Variants in CBFA2T3 observed in about 807,000 individuals in gnomAD.
CBFA2T3 encodes the protein CBFA2/RUNX1 partner transcriptional co-repressor 3, also known as transcriptional corepressor CBFA2T3.
A neutral mutation model predicts 58.6 loss-of-function variants in CBFA2T3; 31 were observed. The ratio of observed to expected loss-of-function variants is 0.53; its 90% confidence interval spans 0.40 to 0.71. The LOEUF is 0.71. Among genes scored for constraint, CBFA2T3 ranks in the 30% least tolerant of loss-of-function variants. CBFA2T3 has a pLI of 0.00. For synonymous variants in CBFA2T3, 531 were observed against 421.9 expected (o/e 1.26, Z -3.17); for missense variants, 1,076 against 963.1 (o/e 1.12, Z -1.55).
intron 1 of CBFA2T3, among the ~76,000 whole-genome samples, chr16:88,944,396 T>A (rs1971850230): frequency 6.6e-6 from 1 of 150,636 alleles, no homozygotes; most frequent in South Asian, 2.1e-4. Flanking sequence ...TGGCAGCGTT[T>A]CCAAGTAAAG....
intron 1 of CBFA2T3, among the ~76,000 whole-genome samples, chr16:88,945,717 A>G (rs545509860): frequency 7.2e-5 from 11 of 152,184 alleles, no homozygotes; most frequent in Admixed American, 2.6e-4. Flanking sequence ...TTCATTGCCG[A>G]CGGGAATGCA....
Position 88,875,179 on chromosome 16 carries a change from A to G in CBFA2T3, c.*1797T>C. On this transcript the variant is annotated 3_prime_UTR_variant, in exon 12 of 12. Transcript: ENST00000268679. Reference sequence around the variant, plus strand: ...CAGATGCCAGGCCACGGGCCACACCACGCACACAGATGCCAAGCCACGGGC... The same window carrying G: ...CAGATGCCAGGCCACGGGCCACACCGCGCACACAGATGCCAAGCCACGGGC... 1 of 235,826 alleles carries G rather than the reference A, an allele frequency of 4.2e-6. No individual in the cohort carries two copies. The highest frequency in any genetic ancestry group is 6.0e-5 in the East Asian group (1 of 16,544). The allele number at this position is 235,826 out of a possible 1,614,324, so 14.6% of individuals were successfully genotyped here. A position where few individuals can be genotyped will look rare whatever the true frequency, so the allele number is the denominator to read the frequency against.
rs77273098 is a variant in CBFA2T3, at chr16:88,947,543, G to A, written c.151+29114C>T. On this transcript the variant is annotated intron_variant, in intron 1 of 11. Coordinates refer to ENST00000268679, the MANE Select transcript of CBFA2T3 (RefSeq NM_005187.6). ...ATGTTAAAATTTATTTCCTGGGCTG[G>A]ATTATCGTTATAATTATTGGTAGTA... 4.6e-5 allele frequency among the ~76,000 whole-genome samples: 7 copies of A among 152,274 alleles called. No individual in the cohort carries two copies. The East Asian group carries it at 1.3e-3, about 29-fold the overall frequency.
chr16:88,968,704 T>C (rs1407883239), intron 1 of CBFA2T3, among the ~76,000 whole-genome samples: 2 of 152,176 alleles, frequency 1.3e-5, no homozygotes, highest in East Asian at 3.9e-4. Flanking sequence ...CACCCACCAC[T>C]GCAGGCCCCC....
At chr16:88,932,255 G>A (rs1383256765) in intron 1 of CBFA2T3, among the ~76,000 whole-genome samples, 4 of 118,608 alleles carry the variant, frequency 3.4e-5, no homozygotes, top group Non-Finnish European at 5.0e-5. Flanking sequence ...CCCCTCACAC[G>A]GCCCCCACTT....
At chr16:88,884,977 G>A (rs1461866775) in intron 7 of CBFA2T3, 69 bp downstream of exon 7, 37 of 1,199,920 alleles carry the variant, frequency 3.1e-5, no homozygotes, top group Middle Eastern at 2.7e-4. Flanking sequence ...CACATGCTCA[G>A]GTGTACATGT....
chr16:88,924,346 C>T (rs372701057), intron 1 of CBFA2T3, among the ~76,000 whole-genome samples: 1 of 152,198 alleles, frequency 6.6e-6, no homozygotes, highest in South Asian at 2.1e-4. Context: ...TCCGCCCTGG[C>T]CCTGCCTCCC....
At chr16:88,933,336 G>C (rs1194924920) in intron 1 of CBFA2T3, among the ~76,000 whole-genome samples, 1 of 107,232 alleles carries the variant, frequency 9.3e-6, no homozygotes, top group Non-Finnish European at 1.9e-5. Flanking sequence ...AGTGCCACAC[G>C]TCTGCACGCC....
chr16:88,946,232 A>T (rs1383790784), intron 1 of CBFA2T3, among the ~76,000 whole-genome samples: 1 of 151,958 alleles, frequency 6.6e-6, no homozygotes, highest in Non-Finnish European at 1.5e-5. Context: ...GCTTGAACCC[A>T]GGAGGCAGAG....
intron 1 of CBFA2T3, among the ~76,000 whole-genome samples, chr16:88,904,536 G>A (rs562812): frequency 0.31 from 47,691 of 152,186 alleles, 7,705 homozygotes; most frequent in Middle Eastern, 0.37. Context: ...AGGCCTCAAG[G>A]TACTTGCAAA....
rs1291556798 is a variant in CBFA2T3, at chr16:88,894,509, GCA to G, written c.380-2026_380-2025del. 1.0e-3 allele frequency among the ~76,000 whole-genome samples: 122 copies of G among 121,212 alleles called. 4 individuals carry two copies. The highest frequency in any genetic ancestry group is 1.2e-3 in the Non-Finnish European group (71 of 60,652). The allele number at this position is 121,212 out of a possible 152,430, so 79.5% of individuals were successfully genotyped here. ...AATGTACACACATGCACACACACAT[GCA>G]CACACACATGCATACATATACACAT... On this transcript the variant is annotated intron_variant, in intron 3 of 11. Coordinates refer to ENST00000268679, the MANE Select transcript of CBFA2T3 (RefSeq NM_005187.6).
intron 1 of CBFA2T3, among the ~76,000 whole-genome samples, chr16:88,921,888 TG>T (rs1422577957): frequency 2.0e-5 from 3 of 152,190 alleles, no homozygotes; most frequent in African/African-American, 7.2e-5. Context: ...AATGTCTACC[TG>T]GGGAATGGGG....
intron 1 of CBFA2T3, among the ~76,000 whole-genome samples, chr16:88,924,366 C>T (rs976523681): frequency 3.3e-5 from 5 of 152,196 alleles, no homozygotes; most frequent in Non-Finnish European, 7.3e-5. Context: ...CTGGGGCCGC[C>T]GACCACAAGG....
chr16:88,879,330 C>T lies in CBFA2T3; in HGVS notation c.1602G>A (p.Ala534=), dbSNP rs79678180. The change falls in exon 11 of 12, where the codon GCG becomes GCA. Residue 534 remains alanine (A), a synonymous_variant. Transcript: ENST00000268679. ...RAKMERALAE[A]KRQASEDALT... is the part of the protein sequence containing the mutation. ...GGGCGTCCTCGGAGGCCTGCCGCTT[C>T]GCCTCGGCCAGGGCCCGCTCCATCT... 2.2e-3 allele frequency: 3,583 copies of T among 1,611,196 alleles called. 75 individuals are homozygous for T. The African/African-American group carries it at 0.041, about 19-fold the overall frequency.
intron 1 of CBFA2T3, among the ~76,000 whole-genome samples, chr16:88,954,307 C>A (rs1335110308): frequency 6.6e-6 from 1 of 152,130 alleles, no homozygotes; most frequent in African/African-American, 2.4e-5. Context: ...CTGACCCACC[C>A]AAGGGTCCTG....
rs1209625028 is a variant in CBFA2T3, at chr16:88,968,201, G to A, written c.151+8456C>T. ...GGCCGAATAAGGGTGGACCACAGGGGACTGCCAGGGGCCCTGGCCGCAGGA... is the reference window on the plus strand; with the variant it reads ...GGCCGAATAAGGGTGGACCACAGGGAACTGCCAGGGGCCCTGGCCGCAGGA... On this transcript the variant is annotated intron_variant, in intron 1 of 11. Transcript: ENST00000268679. Among the ~76,000 whole-genome samples, 4 of 152,206 alleles carry A rather than the reference G, an allele frequency of 2.6e-5. No homozygotes were observed. The East Asian group carries it at 7.7e-4, about 29-fold the overall frequency.
intron 1 of CBFA2T3, among the ~76,000 whole-genome samples, chr16:88,916,667 T>TA (rs148592470): frequency 0.019 from 2,835 of 150,494 alleles, 119 homozygotes; most frequent in African/African-American, 0.067. Context: ...GGAAGGGGGA[T>TA]GGGGGGCTCC....
chr16:88,912,148 C>A (rs569409533), intron 1 of CBFA2T3, among the ~76,000 whole-genome samples: 1 of 152,398 alleles, frequency 6.6e-6, no homozygotes. Flanking sequence ...GGCCCACCCG[C>A]GCCTCCCCAA....
intron 1 of CBFA2T3, among the ~76,000 whole-genome samples, chr16:88,925,293 G>A (rs1971050512): frequency 6.6e-6 from 1 of 152,176 alleles, no homozygotes; most frequent in African/African-American, 2.4e-5. Flanking sequence ...AGCTGCTCGG[G>A]GGAGACCCAC....
Sources: allele counts gnomAD v4.1 joint callset (sites outside exome capture counted in the v4.1 genomes callset), GRCh38; gene constraint gnomAD v4.1.1; transcripts MANE v1.5; gene names NCBI Gene and HGNC (gene_info 2026-07-23, HGNC 2026-07-21).